Variants in MCC observed in about 807,000 individuals in gnomAD.
MCC encodes colorectal mutant cancer protein.
A neutral mutation model predicts 116.2 loss-of-function variants in MCC; 90 were observed. The observed-to-expected ratio is 0.77, with a 90% CI of 0.65 to 0.92. The LOEUF is 0.92. Ranked by LOEUF, MCC falls within the 40% of genes least tolerant of loss-of-function variation. The pLI, the probability that MCC is intolerant of heterozygous loss-of-function variation, is 0.00. For missense variants in MCC, 1,516 were observed against 1,312.2 expected (o/e 1.16, Z -2.40); for synonymous variants, 578 against 510.5 (o/e 1.13, Z -1.78).
chr5:113,312,991 G>C (rs904973165), intron 3 of MCC, among the ~76,000 whole-genome samples: 1 of 152,090 alleles, frequency 6.6e-6, no homozygotes, highest in Admixed American at 6.5e-5. Context: ...GTGGGGAAGA[G>C]AGACACACAA....
At position 113,082,889 on chromosome 5, in the gene MCC, C is replaced by G. The variant is rs1213482681; in HGVS notation, c.1755G>C (p.Glu585Asp). The change falls in exon 11 of 19, where the codon GAG becomes GAC. Residue 585 changes from glutamate (E) to aspartate (D), a missense_variant. By Grantham distance (45) the Glu-to-Asp change is conservative (BLOSUM62 2). Coordinates refer to ENST00000408903, the MANE Select transcript of MCC (RefSeq NM_001085377.2). The part of the protein sequence containing the change: ...GSAISESKIR[E>D]FEVETERLNS... ...TCAGCCGTTCTGTTTCCACCTCAAA[C>G]TCTCTAATCTTGCTTTCTGAGATGG... The G allele has an allele frequency of 6.2e-7, 1 of 1,614,190 alleles. No individual in the cohort carries two copies. Among genetic ancestry groups the G allele is most frequent in the South Asian group, 1.1e-5 (1 of 91,072 alleles).
intron 3 of MCC, among the ~76,000 whole-genome samples, chr5:113,236,732 A>G (rs1764144991): frequency 6.6e-6 from 1 of 152,324 alleles, no homozygotes; most frequent in South Asian, 2.1e-4. Flanking sequence ...GGCAGAGCAG[A>G]TAAAAAGCCA....
At chr5:113,265,152 A>G (rs1765375090) in intron 3 of MCC, among the ~76,000 whole-genome samples, 1 of 152,190 alleles carries the variant, frequency 6.6e-6, no homozygotes, top group Admixed American at 6.5e-5. Context: ...TAGGACCTGC[A>G]AAGCTTAAAA....
Position 113,071,169 on chromosome 5 carries a change from T to C in MCC, c.1850A>G (p.Asn617Ser). Reference protein sequence around the residue: ...LTITLEECKSNAERMSMLVGK... With the variant: ...LTITLEECKSSAERMSMLVGK... Reference sequence around the variant, plus strand: ...CACCAGCATGCTCATCCTCTCGGCATTGCTTTTACATTCCTCCAAGGTTAT... The same window carrying C: ...CACCAGCATGCTCATCCTCTCGGCACTGCTTTTACATTCCTCCAAGGTTAT... The change falls in exon 12 of 19, where the codon AAT (asparagine) becomes AGT (serine). Residue 617 changes from asparagine (N) to serine (S), a missense_variant. Asn to Ser is a conservative substitution (Grantham distance 46). Coordinates refer to ENST00000408903, the MANE Select transcript of MCC (RefSeq NM_001085377.2). 1 of 1,614,214 alleles carries C rather than the reference T, an allele frequency of 6.2e-7. No homozygotes were observed. Among genetic ancestry groups the C allele is most frequent in the Non-Finnish European group, 8.5e-7 (1 of 1,180,036 alleles).
At chr5:113,162,602 T>C (rs79868236) in intron 3 of MCC, among the ~76,000 whole-genome samples, 9,021 of 152,138 alleles carry the variant, frequency 0.059, 379 homozygotes, top group East Asian at 0.17. Flanking sequence ...GCTCAAGTCA[T>C]CTTCCCACCT....
In MCC at chr5:113,025,386, G is replaced by GCAAA. The variant is rs1309835553; in HGVS notation, c.*1915_*1916insTTTG. ...CTCATGCCTGTAATCCCAGCACTTTGGGAGGCCGAGGTGGGTGGATCAGTG... is the reference window on the plus strand; with the variant it reads ...CTCATGCCTGTAATCCCAGCACTTTGCAAAGGAGGCCGAGGTGGGTGGATCAGTG... On this transcript the variant is annotated 3_prime_UTR_variant, in exon 19 of 19. Transcript: ENST00000408903. 2 of 151,898 alleles carry GCAAA rather than the reference G, an allele frequency of 1.3e-5. No homozygotes were observed. The highest frequency in any genetic ancestry group is 4.8e-5 in the African/African-American group (2 of 41,320). 9.4% of individuals were successfully genotyped at this position (151,898 alleles called of 1,614,324 possible).
Position 113,233,684 on chromosome 5 carries a change from C to A in MCC, c.628-82262G>T, listed in dbSNP as rs531404850. On this transcript the variant is annotated intron_variant, in intron 3 of 18. Coordinates refer to ENST00000408903, the MANE Select transcript of MCC (RefSeq NM_001085377.2). ...CACCCCAACTCCAGCCAGATGGCAA[C>A]AGCATGTCAGAAACATTTAGTATTA... 3.3e-5 allele frequency among the ~76,000 whole-genome samples: 5 copies of A among 152,200 alleles called. No individual in the cohort carries two copies. The East Asian group carries it at 7.7e-4, about 23-fold the overall frequency.
At chr5:113,161,125 G>A (rs1160628516) in intron 3 of MCC, among the ~76,000 whole-genome samples, 3 of 151,932 alleles carry the variant, frequency 2.0e-5, no homozygotes, top group East Asian at 3.8e-4. Flanking sequence ...ATTTTCAAGG[G>A]AAACGAAAAT....
chr5:113,163,312 A>C (rs181557610), intron 3 of MCC, among the ~76,000 whole-genome samples: 20 of 152,336 alleles, frequency 1.3e-4, no homozygotes, highest in Admixed American at 5.9e-4. Flanking sequence ...AAAAATAATA[A>C]GTTTTTGAAT....
At chr5:113,167,017 C>T (rs1760806779) in intron 3 of MCC, among the ~76,000 whole-genome samples, 1 of 152,136 alleles carries the variant, frequency 6.6e-6, no homozygotes, top group Admixed American at 6.5e-5. Context: ...TCCCGGAAAA[C>T]CTTTCCAGTC....
intron 3 of MCC, among the ~76,000 whole-genome samples, chr5:113,337,977 A>G (rs930595713): frequency 6.6e-6 from 1 of 152,194 alleles, no homozygotes; most frequent in Non-Finnish European, 1.5e-5. Context: ...ACCATCATGT[A>G]TCACTCTCAC....
intron 3 of MCC, among the ~76,000 whole-genome samples, chr5:113,241,882 C>T (rs947259894): frequency 6.6e-6 from 1 of 152,052 alleles, no homozygotes; most frequent in African/African-American, 2.4e-5. Context: ...GCTCCAAAGC[C>T]CACCTGTTGG....
chr5:113,223,609 A>AT (rs538175567), intron 3 of MCC, among the ~76,000 whole-genome samples: 4 of 152,172 alleles, frequency 2.6e-5, no homozygotes, highest in Middle Eastern at 3.4e-3. Context: ...CTACTTGAGA[A>AT]TTTTTTTTAA....
intron 6 of MCC, among the ~76,000 whole-genome samples, chr5:113,111,961 A>T (rs1472287543): frequency 6.6e-6 from 1 of 152,196 alleles, no homozygotes; most frequent in African/African-American, 2.4e-5. Context: ...TTCATTTTGA[A>T]TCAGGTGTTA....
intron 6 of MCC, among the ~76,000 whole-genome samples, chr5:113,107,724 T>C (rs1287105663): frequency 6.6e-6 from 1 of 152,182 alleles, no homozygotes; most frequent in East Asian, 1.9e-4. Flanking sequence ...TCATGAAATA[T>C]TCAGACATTC....
intron 5 of MCC, among the ~76,000 whole-genome samples, chr5:113,124,747 TTC>T: frequency 6.6e-6 from 1 of 152,226 alleles, no homozygotes; most frequent in East Asian, 1.9e-4. Context: ...GCAGTAGGTT[TTC>T]TGTGTCACAA....
intron 1 of MCC, among the ~76,000 whole-genome samples, chr5:113,451,599 TG>T (rs372776286): frequency 4.6e-5 from 7 of 152,158 alleles, no homozygotes; most frequent in African/African-American, 1.7e-4. Flanking sequence ...CCAGGCATGG[TG>T]GCGCATGCCT....
At chr5:113,163,049 G>A (rs1760579832) in intron 3 of MCC, among the ~76,000 whole-genome samples, 1 of 152,148 alleles carries the variant, frequency 6.6e-6, no homozygotes, top group Non-Finnish European at 1.5e-5. Flanking sequence ...GGGCCAGCAG[G>A]TAAGCAGGCA....
intron 3 of MCC, among the ~76,000 whole-genome samples, chr5:113,270,314 T>C (rs188313834): frequency 5.9e-5 from 9 of 152,262 alleles, no homozygotes; most frequent in East Asian, 1.9e-4. Context: ...ACATGGGCTA[T>C]ATTCACTAAA....
Sources: allele counts gnomAD v4.1 joint callset (sites outside exome capture counted in the v4.1 genomes callset), GRCh38; gene constraint gnomAD v4.1.1; transcripts MANE v1.5; gene names NCBI Gene and HGNC (gene_info 2026-07-23, HGNC 2026-07-21).